The following NKD2 variants were observed in gnomAD, a reference collection of about 807,000 sequenced individuals.
NKD2 encodes NKD inhibitor of Wnt signaling pathway 2.
A neutral mutation model predicts 34.8 loss-of-function variants in NKD2; 43 were observed. The observed-to-expected ratio is 1.24, with a 90% CI of 0.97 to 1.60. The LOEUF (loss-of-function observed/expected upper bound fraction) is 1.60. NKD2 is among the 40% of genes most tolerant of loss of function. NKD2 has a pLI of 0.00. For missense variants in NKD2, 675 were observed against 627.1 expected (o/e 1.08, Z -0.82); for synonymous variants, 278 against 265.1 (o/e 1.05, Z -0.47).
At chr5:1,035,082 A>G (rs1007150451) in intron 7 of NKD2, among the ~76,000 whole-genome samples, 179 bp downstream of exon 7, 1 of 152,210 alleles carries the variant, frequency 6.6e-6, no homozygotes, top group African/African-American at 2.4e-5. Context: ...GTGAGTAAGC[A>G]GATTAATGAA....
At chr5:1,011,504 AG>A (rs1008143296) in intron 3 of NKD2, among the ~76,000 whole-genome samples, 63 of 152,186 alleles carry the variant, frequency 4.1e-4, no homozygotes, top group African/African-American at 1.5e-3. Context: ...GTATCCACTG[AG>A]GAGGGCCAGT....
At chr5:1,013,465 G>A (rs966066955) in intron 3 of NKD2, among the ~76,000 whole-genome samples, 5 of 152,234 alleles carry the variant, frequency 3.3e-5, no homozygotes, top group South Asian at 2.1e-4. Context: ...AGAGGGAACC[G>A]AAGGGAGTTG....
chr5:1,034,418 A>T (rs890894930), intron 6 of NKD2, 88 bp downstream of exon 6: 1 of 1,103,176 alleles, frequency 9.1e-7, no homozygotes, highest in African/African-American at 1.5e-5. Flanking sequence ...CTCAGGGGGC[A>T]GGAGGGGACC....
chr5:1,038,665 C>A lies in NKD2; in HGVS notation c.*292C>A. On this transcript the variant is annotated 3_prime_UTR_variant, in exon 10 of 10. Transcript: ENST00000296849. This position sits in a 1 kb window ranked among gnomAD's most constrained non-coding sequence, Gnocchi z 4.5. The stretch of plus-strand genomic sequence containing the variant: ...AGGCTCGTCTGTGTAACCCATAAAA[C>A]CTGCTTTGATTCCAAAATGAGGCCC... 1.6e-6 allele frequency: 1 copy of A among 637,284 alleles called. No homozygotes were observed. Among genetic ancestry groups the A allele is most frequent in the Non-Finnish European group, 2.8e-6 (1 of 360,286 alleles). The allele number at this position is 637,284 out of a possible 1,614,324, so 39.5% of individuals were successfully genotyped here. A position where few individuals can be genotyped will look rare whatever the true frequency, so the allele number is the denominator to read the frequency against.
chr5:1,015,360 G>C (rs1170576068), intron 3 of NKD2, among the ~76,000 whole-genome samples: 2 of 152,212 alleles, frequency 1.3e-5, no homozygotes, highest in Non-Finnish European at 2.9e-5. Context: ...TGGCCTCCTG[G>C]CTGCTGTTCT....
intron 3 of NKD2, among the ~76,000 whole-genome samples, chr5:1,012,593 G>T (rs574737245): frequency 6.6e-6 from 1 of 152,384 alleles, no homozygotes; most frequent in South Asian, 2.1e-4. Flanking sequence ...GCCTTCACCT[G>T]CACTGGCCTC....
rs147660353 is a variant in NKD2, at chr5:1,014,876, G to A, written c.141+5316G>A. Among the ~76,000 whole-genome samples, 346 of 152,300 alleles carry A rather than the reference G, an allele frequency of 2.3e-3. 4 individuals carry two copies. Among genetic ancestry groups the A allele is most frequent in the African/African-American group, 7.7e-3 (321 of 41,560 alleles). ...TGGCCGTGTTACGTGTGGCCCCCTC[G>A]CCAGCACCAGGTTTCTGTCATCCCA... is the stretch of plus-strand genomic sequence containing the variant. On this transcript the variant is annotated intron_variant, in intron 3 of 9. Coordinates refer to ENST00000296849, the MANE Select transcript of NKD2 (RefSeq NM_033120.4).
Position 1,036,301 on chromosome 5 carries a change from A to G in NKD2, c.704A>G (p.Tyr235Cys), listed in dbSNP as rs752465750. The change falls in exon 9 of 10, where the codon TAC (tyrosine) becomes TGC (cysteine). Residue 235 changes from tyrosine to cysteine, a missense_variant. By Grantham distance (194) the Tyr-to-Cys change is radical. Transcript: ENST00000296849. ...DPQPCSERGP[Y>C]CVDENTERRN... Reference sequence around the variant, plus strand: ...CAGCCCTGCTCGGAGCGGGGGCCCTACTGCGTGGACGAGAACACGGAGCGC... The same window carrying G: ...CAGCCCTGCTCGGAGCGGGGGCCCTGCTGCGTGGACGAGAACACGGAGCGC... 6.2e-7 allele frequency: 1 copy of G among 1,612,620 alleles called. No homozygotes were observed. The highest frequency in any genetic ancestry group is 1.1e-5 in the South Asian group (1 of 91,024).
At chr5:1,021,265 G>A (rs1238794221) in intron 3 of NKD2, among the ~76,000 whole-genome samples, 4 of 152,030 alleles carry the variant, frequency 2.6e-5, no homozygotes, top group Non-Finnish European at 5.9e-5. Flanking sequence ...CCGTCTGAAT[G>A]TATCTAGGGC....
At chr5:1,037,503 C>T in intron 9 of NKD2, 1 of 1,532,946 alleles carries the variant, frequency 6.5e-7, no homozygotes, top group Non-Finnish European at 8.7e-7. Context: ...GGCTTTCTGC[C>T]ACGGCGCCCC....
At position 1,033,425 on chromosome 5, in the gene NKD2, A is replaced by G. The variant is rs772164569; in HGVS notation, c.256A>G (p.Ser86Gly). 2 of 1,588,358 alleles carry G rather than the reference A, an allele frequency of 1.3e-6. No individual in the cohort carries two copies. The highest frequency in any genetic ancestry group is 1.7e-6 in the Non-Finnish European group (2 of 1,168,182). ...CCGCGAGCACCCGGGACAACTCCTCAGCGCAGATGACGGAGAGAGGGCAGC... is the reference window on the plus strand; with the variant it reads ...CCGCGAGCACCCGGGACAACTCCTCGGCGCAGATGACGGAGAGAGGGCAGC... ...EGREHPGQLL[S>G]ADDGERAANR... Residue 86 changes from serine to glycine, a missense_variant, in exon 5 of 10, where the codon AGC (serine) becomes GGC (glycine). Transcript: ENST00000296849.
In NKD2 at chr5:1,037,934, T is replaced by C; in HGVS notation, c.917T>C (p.Val306Ala). Residue 306 changes from valine to alanine, a missense_variant, in exon 10 of 10, where the codon GTC (valine) becomes GCC (alanine). Transcript: ENST00000296849. ...AGGTCACAGGTGCTGGTGGAACACG[T>C]CGTGCCAGCCTCGGAGCCTGCTGCC... ...HRRSQVLVEH[V>A]VPASEPAARA... is the part of the protein sequence containing the mutation. 1 of 1,607,406 alleles carries C rather than the reference T, an allele frequency of 6.2e-7. No homozygotes were observed. Among genetic ancestry groups the C allele is most frequent in the East Asian group, 2.2e-5 (1 of 44,804 alleles).
intron 3 of NKD2, among the ~76,000 whole-genome samples, chr5:1,020,867 G>A (rs1469446781): frequency 6.6e-6 from 1 of 152,004 alleles, no homozygotes; most frequent in Non-Finnish European, 1.5e-5. Context: ...TCGTGGCAGG[G>A]GTGGGCACTG....
At chr5:1,033,520 A>G (rs773670138) in intron 5 of NKD2, 21 bp downstream of exon 5, 10 of 1,535,266 alleles carry the variant, frequency 6.5e-6, no homozygotes, top group Non-Finnish European at 8.8e-6. Context: ...CTCCGGCCTC[A>G]CTTGCGGGAA....
chr5:1,026,525 T>C (rs1756411468), intron 3 of NKD2, among the ~76,000 whole-genome samples: 1 of 62,384 alleles, frequency 1.6e-5, no homozygotes, highest in African/African-American at 4.0e-5. Flanking sequence ...TCCCACCCGC[T>C]GTGGGTGTCC....
chr5:1,010,222 A>G (rs1380142774), intron 3 of NKD2, among the ~76,000 whole-genome samples: 3 of 152,194 alleles, frequency 2.0e-5, no homozygotes, highest in Non-Finnish European at 4.4e-5. Flanking sequence ...GGGCCCTGGA[A>G]GGGCCTGGGG....
chr5:1,030,294 C>T, intron 3 of NKD2, among the ~76,000 whole-genome samples: 1 of 152,170 alleles, frequency 6.6e-6, no homozygotes, highest in East Asian at 1.9e-4. Context: ...CCTTGGCCCC[C>T]CTCCGCAGTG....
chr5:1,037,803 A>C lies in NKD2; in HGVS notation c.788-2A>C, dbSNP rs756140740. 4 of 1,566,602 alleles carry C rather than the reference A, an allele frequency of 2.6e-6. No homozygotes were observed. The South Asian group carries it at 3.5e-5, about 14-fold the overall frequency. ...GCCTCACACTCTGACCTGTGTCCGC[A>C]GGGTCCCCTCCTGTGCAAGCAAAGC... On this transcript the variant is annotated splice_acceptor_variant, in intron 9 of 9. Transcript: ENST00000296849. LOFTEE classifies it high-confidence loss of function.
rs1385763558 is a variant in NKD2, at chr5:1,035,255, TGAG to T, written c.575-133_575-131del. The T allele has an allele frequency of 4.1e-5, 30 of 729,642 alleles. No individual in the cohort carries two copies. In the African/African-American group the frequency reaches 5.1e-4, roughly 12 times the overall value. The allele number at this position is 729,642 out of a possible 1,614,324, so 45.2% of individuals were successfully genotyped here. A position where few individuals can be genotyped will look rare whatever the true frequency, so the allele number is the denominator to read the frequency against. The stretch of plus-strand genomic sequence containing the variant: ...GTTAATGAATGAGTGAACAAGTGAG[TGAG>T]TTAATGAATGAGTGAACCAGTGAGT... On this transcript the variant is annotated intron_variant, in intron 7 of 9. Coordinates refer to ENST00000296849, the MANE Select transcript of NKD2 (RefSeq NM_033120.4).
Sources: allele counts gnomAD v4.1 joint callset (sites outside exome capture counted in the v4.1 genomes callset), GRCh38; gene constraint gnomAD v4.1.1; non-coding constraint Gnocchi (gnomAD v3.1); transcripts MANE v1.5; gene names NCBI Gene and HGNC (gene_info 2026-07-23, HGNC 2026-07-21).